Variants in AUTS2 observed in about 807,000 individuals in gnomAD.
The protein encoded by AUTS2 is activator of transcription and developmental regulator AUTS2, also known as autism susceptibility gene 2 protein.
In AUTS2, 17 loss-of-function variants were observed where a neutral mutation model predicts 112.4. The observed-to-expected ratio is 0.15, with a 90% CI of 0.10 to 0.23. The LOEUF is 0.23. Ranked by LOEUF, AUTS2 falls within the 10% of genes least tolerant of loss-of-function variation. The probability of loss-of-function intolerance (pLI) is 1.00; values close to 1 mark genes in which losing one functional copy is unlikely to be tolerated. For synonymous variants in AUTS2, 751 were observed against 702.7 expected (o/e 1.07, Z -1.09); for missense variants, 1,510 against 1,701.6 (o/e 0.89, Z 1.98).
rs764573912 is a variant in AUTS2 at position 70,435,743 on chromosome 7, C to A, written c.661-9C>A. On this transcript the variant is annotated splice_polypyrimidine_tract_variant and intron_variant, in intron 4 of 18. Coordinates refer to ENST00000342771, the MANE Select transcript of AUTS2 (RefSeq NM_015570.4). ...GCACTAACCCTTATTCTCTTGTCTTCATTTTCAGTGTGACAGTGACAGTGA... is the reference window on the plus strand; with the variant it reads ...GCACTAACCCTTATTCTCTTGTCTTAATTTTCAGTGTGACAGTGACAGTGA... 3 of 1,614,074 alleles carry A rather than the reference C, an allele frequency of 1.9e-6. No homozygotes were observed. The highest frequency in any genetic ancestry group is 2.5e-6 in the Non-Finnish European group (3 of 1,179,978).
rs941348994 is a variant in AUTS2, at chr7:70,416,470, C to T, written c.661-19282C>T. Among the ~76,000 whole-genome samples, 17 of 152,322 alleles carry T rather than the reference C, an allele frequency of 1.1e-4. No homozygotes were observed. The East Asian group carries it at 2.7e-3, about 24-fold the overall frequency. On this transcript the variant is annotated intron_variant, in intron 4 of 18. Coordinates refer to ENST00000342771, the MANE Select transcript of AUTS2 (RefSeq NM_015570.4). Reference sequence around the variant, plus strand: ...TGGGCTCTTTTGAATGGGCCTTGCCCAAGCTCAATGCTCTCTCTCTCCTCT... The same window carrying T: ...TGGGCTCTTTTGAATGGGCCTTGCCTAAGCTCAATGCTCTCTCTCTCCTCT...
chr7:69,736,102 A>C (rs183741422), intron 1 of AUTS2, among the ~76,000 whole-genome samples: 1 of 152,294 alleles, frequency 6.6e-6, no homozygotes, highest in Admixed American at 6.5e-5. Flanking sequence ...TTTGTTGAAA[A>C]AAGTGAAAAT....
At chr7:69,873,921 G>C (rs1793613237) in intron 1 of AUTS2, among the ~76,000 whole-genome samples, 1 of 152,220 alleles carries the variant, frequency 6.6e-6, no homozygotes, top group Admixed American at 6.5e-5. Context: ...ACTGTGGCCT[G>C]GAGGAATCCA....
intron 4 of AUTS2, among the ~76,000 whole-genome samples, chr7:70,205,547 A>G (rs1366224367): frequency 6.6e-6 from 1 of 152,206 alleles, no homozygotes; most frequent in Non-Finnish European, 1.5e-5. Flanking sequence ...GTACTGTACT[A>G]CATAGGCAAC....
intron 5 of AUTS2, among the ~76,000 whole-genome samples, chr7:70,520,386 T>C (rs1338493302): frequency 6.6e-6 from 1 of 152,180 alleles, no homozygotes; most frequent in Non-Finnish European, 1.5e-5. Context: ...CCAGCCTCAC[T>C]GGCCTCATTT....
intron 4 of AUTS2, among the ~76,000 whole-genome samples, chr7:70,258,661 A>G (rs772690870): frequency 6.6e-6 from 1 of 152,184 alleles, no homozygotes; most frequent in East Asian, 1.9e-4. Context: ...CTTAAGTCGT[A>G]TGAGGCTGCT....
chr7:70,734,096 C>T lies in AUTS2; in HGVS notation c.743-28774C>T, dbSNP rs1787625995. Among the ~76,000 whole-genome samples the T allele has an allele frequency of 2.0e-5, 3 of 152,096 alleles. No individual in the cohort carries two copies. In the South Asian group the frequency reaches 6.2e-4, roughly 32 times the overall value. ...TGATTCTCATACTCAAGCCTCCCGA[C>T]AGCCCGCTGCATGCGCCAGGCTTCA... On this transcript the variant is annotated intron_variant, in intron 6 of 18. Transcript: ENST00000342771.
At chr7:70,117,188 A>G (rs940461962) in intron 2 of AUTS2, among the ~76,000 whole-genome samples, 1 of 131,406 alleles carries the variant, frequency 7.6e-6, no homozygotes, top group Non-Finnish European at 1.5e-5. Flanking sequence ...TCTAGCCCAT[A>G]TGTGGCACTT....
At chr7:70,100,383 C>T (rs959640046) in intron 2 of AUTS2, among the ~76,000 whole-genome samples, 21 of 151,896 alleles carry the variant, frequency 1.4e-4, no homozygotes, top group African/African-American at 4.6e-4. Flanking sequence ...TCCCCATAGA[C>T]CTGACCACAA....
intron 1 of AUTS2, among the ~76,000 whole-genome samples, chr7:69,617,416 C>T (rs1293419507): frequency 3.3e-5 from 5 of 152,094 alleles, no homozygotes; most frequent in African/African-American, 7.2e-5. Flanking sequence ...ACAGATAACC[C>T]GGAGGAGAGC....
chr7:69,607,396 G>A (rs1792787825), intron 1 of AUTS2, among the ~76,000 whole-genome samples: 1 of 151,988 alleles, frequency 6.6e-6, no homozygotes, highest in African/African-American at 2.4e-5. Flanking sequence ...TCAAAATTAT[G>A]AATGCTGTTA....
intron 2 of AUTS2, among the ~76,000 whole-genome samples, chr7:70,058,283 T>C (rs1802082625): frequency 6.6e-6 from 1 of 152,240 alleles, no homozygotes; most frequent in Admixed American, 6.5e-5. Context: ...TTATTGGCTT[T>C]GTCCTATACA....
chr7:69,885,410 CAA>C, intron 1 of AUTS2, among the ~76,000 whole-genome samples: 1 of 152,224 alleles, frequency 6.6e-6, no homozygotes, highest in East Asian at 1.9e-4. Context: ...TTTTTATTGA[CAA>C]TGTGAATTTT....
intron 15 of AUTS2, chr7:70,782,004 A>AT (rs1284684851): frequency 3.8e-6 from 2 of 520,920 alleles, no homozygotes; most frequent in African/African-American, 3.9e-5. Context: ...TCGGTTCATT[A>AT]TTTGCTTCTA....
chr7:70,518,164 T>C (rs527716535), intron 5 of AUTS2, among the ~76,000 whole-genome samples: 1 of 152,338 alleles, frequency 6.6e-6, no homozygotes, highest in East Asian at 1.9e-4. Context: ...TGTCCATTCT[T>C]ATGCTGAAAG....
intron 5 of AUTS2, among the ~76,000 whole-genome samples, chr7:70,676,775 G>C (rs893085332): frequency 2.6e-5 from 4 of 152,074 alleles, no homozygotes; most frequent in African/African-American, 9.7e-5. Flanking sequence ...TACTCAGGAG[G>C]CTGAGGCAGA....
intron 4 of AUTS2, among the ~76,000 whole-genome samples, chr7:70,417,822 C>T (rs1414493819): frequency 1.3e-5 from 2 of 152,152 alleles, no homozygotes; most frequent in East Asian, 3.9e-4. Context: ...TCCTGAAGGG[C>T]ATGTCAGACA....
intron 5 of AUTS2, among the ~76,000 whole-genome samples, chr7:70,586,153 G>A (rs1024152383): frequency 3.9e-5 from 6 of 152,048 alleles, no homozygotes; most frequent in Non-Finnish European, 5.9e-5. Flanking sequence ...ATGAGCGATC[G>A]CGCCCAGCCG....
intron 6 of AUTS2, among the ~76,000 whole-genome samples, chr7:70,737,585 T>G (rs992046001): frequency 6.6e-6 from 1 of 152,248 alleles, no homozygotes; most frequent in East Asian, 1.9e-4. Flanking sequence ...CTCTCCAACC[T>G]AATTTTACCG....
Sources: gnomAD v4.1 joint callset for allele counts (sites outside exome capture counted in the v4.1 genomes callset) on GRCh38, gnomAD v4.1.1 for gene constraint, MANE v1.5 for transcripts, NCBI Gene and HGNC (gene_info 2026-07-23, HGNC 2026-07-21) for gene names.